Variants in LRRC53 observed in about 807,000 individuals in gnomAD.
LRRC53 encodes leucine rich repeat containing 53, also known as leucine-rich repeat-containing protein 53.
LRRC53 carries 25 observed loss-of-function variants against 13.6 expected under a neutral mutation model. The observed-to-expected ratio is 1.83, with a 90% CI of 1.34 to 2.56. LRRC53 has a LOEUF of 2.56. Ranked by LOEUF, LRRC53 falls within the 30% of genes most tolerant of loss-of-function variation. The probability of loss-of-function intolerance (pLI) is 0.00; values close to 1 mark genes in which losing one functional copy is unlikely to be tolerated. For missense variants in LRRC53, 527 were observed against 275.8 expected, an observed-to-expected ratio of 1.91 and a Z score of -6.45; for synonymous variants, 204 against 109.8, an observed-to-expected ratio of 1.86 and a Z score of -5.37.
chr1:74,513,506 G>A (rs1278994843), upstream of LRRC53, among the ~76,000 whole-genome samples: 4 of 152,202 alleles, frequency 2.6e-5, no homozygotes, highest in Non-Finnish European at 5.9e-5. Context: ...CACTGCAAGA[G>A]GAGTTCCTCT....
At chr1:74,513,376 T>A (rs1646294214), upstream of LRRC53, among the ~76,000 whole-genome samples, 1 of 152,162 alleles carries the variant, frequency 6.6e-6, no homozygotes, top group African/African-American at 2.4e-5. Flanking sequence ...GGGGCACTGG[T>A]AGTAGGAGTT....
the LRRC53 span, among the ~76,000 whole-genome samples, chr1:74,524,352 T>A: frequency 5.3e-5 from 8 of 152,186 alleles, no homozygotes; most frequent in African/African-American, 1.9e-4. Flanking sequence ...GCCCATTAGA[T>A]AGCAAAGTGC....
the LRRC53 span, among the ~76,000 whole-genome samples, chr1:74,528,615 T>C: frequency 4.6e-5 from 7 of 152,180 alleles, no homozygotes; most frequent in African/African-American, 1.7e-4. Flanking sequence ...GGTGTGAATA[T>C]GGAGAGAATG....
At chr1:74,509,747 CTTTTTTTTTT>C (rs68193106) in intron 1 of LRRC53, among the ~76,000 whole-genome samples, 20 of 47,818 alleles carry the variant, frequency 4.2e-4, no homozygotes, top group South Asian at 1.4e-3. Context: ...ATCTGAATTT[CTTTTTTTTTT>C]TTTTTTTTTT....
intron 4 of LRRC53, among the ~76,000 whole-genome samples, chr1:74,473,201 C>T (rs1668023826): frequency 6.6e-6 from 1 of 152,086 alleles, no homozygotes; most frequent in Non-Finnish European, 1.5e-5. Flanking sequence ...TCACAAGAGA[C>T]GTGATCCATT....
At chr1:74,474,211 T>C (rs1273910517) in intron 4 of LRRC53, among the ~76,000 whole-genome samples, 3 of 152,120 alleles carry the variant, frequency 2.0e-5, no homozygotes, top group Non-Finnish European at 2.9e-5. Flanking sequence ...AGTTAAAAGA[T>C]GAAATGAAAG....
chr1:74,474,107 G>T (rs1273856173), intron 4 of LRRC53, among the ~76,000 whole-genome samples: 2 of 152,102 alleles, frequency 1.3e-5, no homozygotes, highest in Non-Finnish European at 2.9e-5. Context: ...AGTGTTCTCA[G>T]TGTGAAAACA....
At chr1:74,504,978 T>G (rs1385668166) in intron 1 of LRRC53, among the ~76,000 whole-genome samples, 5 of 152,128 alleles carry the variant, frequency 3.3e-5, no homozygotes, top group Non-Finnish European at 7.4e-5. Flanking sequence ...GGTGACAGAT[T>G]TCTCAGTTTT....
At chr1:74,498,278 C>G (rs1285220592) in intron 1 of LRRC53, among the ~76,000 whole-genome samples, 2 of 152,094 alleles carry the variant, frequency 1.3e-5, no homozygotes, top group Non-Finnish European at 2.9e-5. Context: ...AAAATATTAA[C>G]CAGCCTTCAG....
the LRRC53 span, among the ~76,000 whole-genome samples, chr1:74,535,299 AT>A: frequency 6.6e-6 from 1 of 151,978 alleles, no homozygotes; most frequent in Non-Finnish European, 1.5e-5. Flanking sequence ...ATGAAGCCCC[AT>A]CTCTACTAAA....
At chr1:74,527,019 G>C in the LRRC53 span, among the ~76,000 whole-genome samples, 24 of 152,326 alleles carry the variant, frequency 1.6e-4, no homozygotes, top group African/African-American at 5.8e-4. Flanking sequence ...GTCCTTTACA[G>C]GAAAAGTTTG....
At chr1:74,517,283 T>A (rs559878208), upstream of LRRC53, among the ~76,000 whole-genome samples, 1 of 152,210 alleles carries the variant, frequency 6.6e-6, no homozygotes, top group Admixed American at 6.5e-5. Flanking sequence ...AGATAGTAAA[T>A]CAATGCCTCA....
intron 2 of LRRC53, among the ~76,000 whole-genome samples, chr1:74,482,455 G>A (rs1668553255): frequency 6.6e-6 from 1 of 152,280 alleles, no homozygotes. Flanking sequence ...TAGTGTTAAA[G>A]CATTTTCAAT....
At chr1:74,507,221 T>TCCCCC (rs145167420) in intron 1 of LRRC53, among the ~76,000 whole-genome samples, 3 of 85,924 alleles carry the variant, frequency 3.5e-5, no homozygotes, top group Non-Finnish European at 5.2e-5. Context: ...TTAAATTTCT[T>TCCCCC]CACCCCCCCC....
In LRRC53 at chr1:74,470,801, T is replaced by C; in HGVS notation, c.2821A>G (p.Asn941Asp). The change falls in exon 5 of 5, where the codon AAC becomes GAC. Residue 941 changes from asparagine to aspartate, a missense_variant. Physicochemically the swap from Asn to Asp is conservative, Grantham distance 23. Transcript: ENST00000294635. ...TTTTGGTCTAAAGTGTATTCCTTGT[T>C]GTAGCTGTCAGTCTTGTGAGCATCT... ...LLDAHKTDSY[N>D]KEYTLDQNEA... The C allele has an allele frequency of 5.0e-6, 2 of 400,732 alleles. No individual in the cohort carries two copies. The highest frequency in any genetic ancestry group is 8.8e-6 in the Non-Finnish European group (2 of 226,176). 24.8% of individuals were successfully genotyped at this position (400,732 alleles called of 1,614,324 possible). A position where few individuals can be genotyped will look rare whatever the true frequency, so the allele number is the denominator to read the frequency against.
intron 1 of LRRC53, among the ~76,000 whole-genome samples, chr1:74,500,501 G>A (rs1265264151): frequency 6.7e-6 from 1 of 150,374 alleles, no homozygotes; most frequent in African/African-American, 2.4e-5. Flanking sequence ...CTACTTGGGA[G>A]GCTGAGGCAG....
chr1:74,480,106 T>G, intron 3 of LRRC53, 47 bp downstream of exon 3: 1 of 666,274 alleles, frequency 1.5e-6, no homozygotes, highest in Non-Finnish European at 2.8e-6. Flanking sequence ...TGCAAAAATA[T>G]GGACAAGAGA....
chr1:74,487,718 G>A (rs759920435), intron 1 of LRRC53, among the ~76,000 whole-genome samples: 2 of 152,156 alleles, frequency 1.3e-5, no homozygotes, highest in Non-Finnish European at 1.5e-5. Context: ...GGGTAGGTAG[G>A]TAGAAAGAAG....
At chr1:74,531,871 G>T in the LRRC53 span, among the ~76,000 whole-genome samples, 1 of 152,110 alleles carries the variant, frequency 6.6e-6, no homozygotes, top group Non-Finnish European at 1.5e-5. Context: ...TATGACAGAC[G>T]GCAATAAACC....
Sources: gnomAD v4.1 joint callset for allele counts (sites outside exome capture counted in the v4.1 genomes callset) on GRCh38, gnomAD v4.1.1 for gene constraint, MANE v1.5 for transcripts, NCBI Gene and HGNC (gene_info 2026-07-23, HGNC 2026-07-21) for gene names.